TNFRSF8: variants seen among roughly 807,000 people sequenced by gnomAD.
TNFRSF8 encodes tumor necrosis factor receptor superfamily member 8.
A neutral mutation model predicts 70.8 loss-of-function variants in TNFRSF8; 26 were observed. That is an observed-to-expected ratio of 0.37 (90% CI 0.27 to 0.51). The LOEUF is 0.51. Among genes scored for constraint, TNFRSF8 ranks in the 20% least tolerant of loss-of-function variants. The pLI is 0.94. For missense variants in TNFRSF8, 720 were observed against 807.9 expected (o/e 0.89, Z 1.32); for synonymous variants, 356 against 339.2 (o/e 1.05, Z -0.54).
rs913307563 is a variant in TNFRSF8, at chr1:12,081,855, G to A, written c.64-2609G>A. Among the ~76,000 whole-genome samples the A allele has an allele frequency of 1.3e-5, 2 of 152,010 alleles. 1 individual carries two copies. The highest frequency in any genetic ancestry group is 2.9e-5 in the Non-Finnish European group (2 of 68,002). On this transcript the variant is annotated intron_variant, in intron 1 of 14. Transcript: ENST00000263932. ...CTGCTTCCTTCCCTAAACCAAGAAA[G>A]CCCCACATCGCACCAGGGGCCACCT...
chr1:12,075,738 GCGTCACCAT>G (rs1640935326), intron 1 of TNFRSF8, among the ~76,000 whole-genome samples: 2 of 152,334 alleles, frequency 1.3e-5, no homozygotes, highest in South Asian at 4.1e-4. Flanking sequence ...CAGAGCAGGA[GCGTCACCAT>G]CTTGGACAAG....
At chr1:12,098,868 T>G (rs994342184) in intron 3 of TNFRSF8, among the ~76,000 whole-genome samples, 4 of 152,256 alleles carry the variant, frequency 2.6e-5, no homozygotes, top group African/African-American at 9.6e-5. Context: ...CCTCATCCTC[T>G]TCCTGACTTT....
Position 12,108,411 on chromosome 1 carries a change from A to G in TNFRSF8, c.422-1155A>G, listed in dbSNP as rs1641567303. ...GTCACCTTCTAAGTGTTGGGATGGG[A>G]GTCCAGATGGGTGTAAGGACATAGC... is the stretch of plus-strand genomic sequence containing the variant. On this transcript the variant is annotated intron_variant, in intron 4 of 14. Transcript: ENST00000263932. The surrounding 1 kb of genome is among the most constrained non-coding windows in gnomAD (Gnocchi z 4.0). Among the ~76,000 whole-genome samples the G allele has an allele frequency of 1.3e-5, 2 of 152,032 alleles. No homozygotes were observed. Among genetic ancestry groups the G allele is most frequent in the Admixed American group, 1.3e-4 (2 of 15,260 alleles).
At chr1:12,099,934 C>T (rs1641390788) in intron 3 of TNFRSF8, among the ~76,000 whole-genome samples, 1 of 151,978 alleles carries the variant, frequency 6.6e-6, no homozygotes, top group African/African-American at 2.4e-5. Flanking sequence ...TTTGGGAGGC[C>T]GAGGAGGGTG....
chr1:12,084,267 C>T lies in TNFRSF8; in HGVS notation c.64-197C>T, dbSNP rs542957029. ...TTTGAGAGGAGAGAGTCAAGGGAGA[C>T]GCTAAAGTTTCTGGCCTGAGCTGGA... On this transcript the variant is annotated intron_variant, in intron 1 of 14. Transcript: ENST00000263932. Among the ~76,000 whole-genome samples the T allele has an allele frequency of 2.2e-4, 34 of 152,198 alleles. 1 individual carries two copies. The East Asian group carries it at 5.2e-3, about 23-fold the overall frequency.
At position 12,097,230 on chromosome 1, in the gene TNFRSF8, T is replaced by C; in HGVS notation, c.268+13T>C. On this transcript the variant is annotated intron_variant, in intron 3 of 14. Transcript: ENST00000263932. Reference sequence around the variant, plus strand: ...ACTTGTTCTCGAGGTAAGGGCCTTGTTCTCTCTCCAGGGCCTCCTTCTAGG... The same window carrying C: ...ACTTGTTCTCGAGGTAAGGGCCTTGCTCTCTCTCCAGGGCCTCCTTCTAGG... 6.2e-7 allele frequency: 1 copy of C among 1,606,380 alleles called. No individual in the cohort carries two copies. The highest frequency in any genetic ancestry group is 8.5e-7 in the Non-Finnish European group (1 of 1,173,212).
chr1:12,124,322 C>T (rs1277072899), intron 10 of TNFRSF8, among the ~76,000 whole-genome samples: 1 of 152,148 alleles, frequency 6.6e-6, no homozygotes, highest in East Asian at 1.9e-4. Flanking sequence ...AGTGACTATT[C>T]TTTAATTCTT....
intron 1 of TNFRSF8, among the ~76,000 whole-genome samples, chr1:12,079,078 G>A (rs899684462): frequency 6.6e-6 from 1 of 152,126 alleles, no homozygotes; most frequent in Admixed American, 6.5e-5. Context: ...TGGCCCCTTC[G>A]GGGATTTTGC....
chr1:12,117,554 C>T (rs1444427421), intron 8 of TNFRSF8, among the ~76,000 whole-genome samples: 3 of 152,156 alleles, frequency 2.0e-5, no homozygotes, highest in Non-Finnish European at 2.9e-5. Context: ...TGCCAGCTCA[C>T]ACTCTCCGCC....
At chr1:12,077,503 C>T (rs1029932962) in intron 1 of TNFRSF8, among the ~76,000 whole-genome samples, 5 of 152,174 alleles carry the variant, frequency 3.3e-5, no homozygotes, top group African/African-American at 1.2e-4. Context: ...AGTTGGCTGT[C>T]AGCAAAGAAA....
chr1:12,142,548 G>T lies in TNFRSF8; in HGVS notation c.*17G>T, dbSNP rs772276291. ...GGAAAGTGAGGCCTGGGCTGGGCTG[G>T]GGCTAGGAGGGCAGCAGGGTGGCCT... On this transcript the variant is annotated 3_prime_UTR_variant, in exon 15 of 15. Coordinates refer to ENST00000263932, the MANE Select transcript of TNFRSF8 (RefSeq NM_001243.5). This position sits in a 1 kb window ranked among gnomAD's most constrained non-coding sequence, Gnocchi z 5.0. The T allele has an allele frequency of 1.0e-5, 16 of 1,553,562 alleles. No homozygotes were observed. In the African/African-American group the frequency reaches 2.0e-4, roughly 20 times the overall value.
Position 12,141,050 on chromosome 1 carries a change from T to A in TNFRSF8, c.1544-1237T>A, listed in dbSNP as rs1024602983. Among the ~76,000 whole-genome samples the A allele has an allele frequency of 6.6e-6, 1 of 152,212 alleles. No homozygotes were observed. Among genetic ancestry groups the A allele is most frequent in the Non-Finnish European group, 1.5e-5 (1 of 68,030 alleles). ...CTGTCCCGCACTCTGGGCCTTCTCC[T>A]CTTGCTGCCGTTTGGCGCACTTCTC... On this transcript the variant is annotated intron_variant, in intron 14 of 14. Coordinates refer to ENST00000263932, the MANE Select transcript of TNFRSF8 (RefSeq NM_001243.5). This position sits in a 1 kb window ranked among gnomAD's most constrained non-coding sequence, Gnocchi z 5.4.
chr1:12,084,349 T>C (rs1415614446), intron 1 of TNFRSF8, 115 bp from the exon 2 acceptor site: 1 of 924,762 alleles, frequency 1.1e-6, no homozygotes, highest in Admixed American at 1.9e-5. Flanking sequence ...GTTCTCGTCC[T>C]GATTTCTCTC....
At chr1:12,131,714 T>G (rs113891771) in intron 12 of TNFRSF8, among the ~76,000 whole-genome samples, 4,421 of 151,976 alleles carry the variant, frequency 0.029, 239 homozygotes, top group African/African-American at 0.1. Context: ...GGCTGGTCTC[T>G]AACTCCTGAG....
At chr1:12,072,220 CAGTG>C (rs1158613426) in intron 1 of TNFRSF8, among the ~76,000 whole-genome samples, 6 of 152,298 alleles carry the variant, frequency 3.9e-5, no homozygotes, top group Admixed American at 2.0e-4. Flanking sequence ...CTTCTGGACA[CAGTG>C]AGTGCTGTGC....
At chr1:12,125,780 G>C (rs1641926031) in intron 10 of TNFRSF8, 171 bp from the exon 11 acceptor site, 7 of 664,156 alleles carry the variant, frequency 1.1e-5, no homozygotes, top group Non-Finnish European at 1.9e-5. Flanking sequence ...CAGCTTCCTG[G>C]AGCCAGGCGA....
chr1:12,135,428 A>G (rs1177676722), intron 12 of TNFRSF8, among the ~76,000 whole-genome samples, 160 bp from the exon 13 acceptor site: 1 of 147,856 alleles, frequency 6.8e-6, no homozygotes, highest in African/African-American at 2.5e-5. Flanking sequence ...GTGGGCACTG[A>G]CTCTGAAACC....
chr1:12,083,116 A>G (rs1175379542), intron 1 of TNFRSF8, among the ~76,000 whole-genome samples: 3 of 152,238 alleles, frequency 2.0e-5, no homozygotes, highest in African/African-American at 7.2e-5. Flanking sequence ...AGGTATCACT[A>G]CAGATCCAAC....
At position 12,111,865 on chromosome 1, in the gene TNFRSF8, C is replaced by T. The variant is rs1222970209; in HGVS notation, c.677-33C>T. 8.8e-6 allele frequency: 14 copies of T among 1,597,924 alleles called. No homozygotes were observed. In the East Asian group the frequency reaches 3.1e-4, roughly 36 times the overall value. On this transcript the variant is annotated intron_variant, in intron 6 of 14. Transcript: ENST00000263932. ...GGGAGTGAGGCCTTTGCCAAGGCGG[C>T]CTGGCCTGCAGCTTCTCTGCTTCTT...
Sources: allele counts gnomAD v4.1 joint callset (sites outside exome capture counted in the v4.1 genomes callset), GRCh38; gene constraint gnomAD v4.1.1; non-coding constraint Gnocchi (gnomAD v3.1); transcripts MANE v1.5; gene names NCBI Gene and HGNC (gene_info 2026-07-23, HGNC 2026-07-21).